MLLT1: variants seen among roughly 807,000 people sequenced by gnomAD.
MLLT1 encodes the protein protein ENL.
MLLT1 carries 11 observed loss-of-function variants against 55.1 expected under a neutral mutation model. The observed-to-expected ratio is 0.20, with a 90% CI of 0.13 to 0.33. MLLT1 has a LOEUF of 0.33. Ranked by LOEUF, MLLT1 falls within the 10% of genes least tolerant of loss-of-function variation. The pLI is 1.00. For synonymous variants in MLLT1, 323 were observed against 320.1 expected, an observed-to-expected ratio of 1.01 and a Z score of -0.10; for missense variants, 536 against 760.6, an observed-to-expected ratio of 0.70 and a Z score of 3.47.
At chr19:6,257,962 G>T (rs1225087771) in intron 3 of MLLT1, among the ~76,000 whole-genome samples, 1 of 152,184 alleles carries the variant, frequency 6.6e-6, no homozygotes, top group Middle Eastern at 3.2e-3. Context: ...CTAGAGGATG[G>T]CTATAATTTT....
At chr19:6,233,255 T>G (rs867520595) in intron 3 of MLLT1, among the ~76,000 whole-genome samples, 2 of 152,200 alleles carry the variant, frequency 1.3e-5, no homozygotes, top group Admixed American at 6.5e-5. Context: ...AGTAACACAG[T>G]TGGCAGCGGC....
chr19:6,229,137 C>T lies in MLLT1; in HGVS notation c.420+1433G>A, dbSNP rs2090982464. ...GCCACCACGGAACCTCCGGGGACGC[C>T]CAAAAACACCTACTGCAAACGTGGT... On this transcript the variant is annotated intron_variant, in intron 4 of 11. Transcript: ENST00000252674. The surrounding 1 kb of genome is among the most constrained non-coding windows in gnomAD (Gnocchi z 5.2). Among the ~76,000 whole-genome samples, 1 of 152,034 alleles carries T rather than the reference C, an allele frequency of 6.6e-6. No homozygotes were observed. Among genetic ancestry groups the T allele is most frequent in the African/African-American group, 2.4e-5 (1 of 41,382 alleles).
Position 6,217,997 on chromosome 19 carries a change from G to A in MLLT1, c.1155C>T (p.Ser385=). 1.2e-6 allele frequency: 2 copies of A among 1,608,446 alleles called. No homozygotes were observed. The highest frequency in any genetic ancestry group is 8.5e-7 in the Non-Finnish European group (1 of 1,177,372). ...ATGGCTCGAAGTCTGAGTCTGAGCT[G>A]GAGTCTGAGCTGGAGCTGGAGTTGG... is the stretch of plus-strand genomic sequence containing the variant. The part of the protein sequence containing the change: ...SPSNSSSSSD[S]SSDSDFEPSQ... Residue 385 remains serine (S), a synonymous_variant, in exon 7 of 12, where the codon TCC becomes TCT. Coordinates refer to ENST00000252674, the MANE Select transcript of MLLT1 (RefSeq NM_005934.4).
rs761845242 is a variant in MLLT1 at position 6,213,012 on chromosome 19, G to A, written c.*30C>T. 63 of 1,609,970 alleles carry A rather than the reference G, an allele frequency of 3.9e-5. No individual in the cohort carries two copies. The highest frequency in any genetic ancestry group is 5.5e-5 in the South Asian group (5 of 90,812). The stretch of plus-strand genomic sequence containing the variant: ...CCTGGCTGCAGCCTCCCAGGACCCC[G>A]GCGGTGGGGGCCCGGCACGCGGCCC... On this transcript the variant is annotated 3_prime_UTR_variant, in exon 12 of 12. Coordinates refer to ENST00000252674, the MANE Select transcript of MLLT1 (RefSeq NM_005934.4).
At position 6,213,973 on chromosome 19, in the gene MLLT1, G is replaced by A; in HGVS notation, c.1373C>T (p.Pro458Leu). The A allele has an allele frequency of 1.4e-6, 2 of 1,462,126 alleles. No individual in the cohort carries two copies. The highest frequency in any genetic ancestry group is 1.8e-6 in the Non-Finnish European group (2 of 1,108,076). The allele number at this position is 1,462,126 out of a possible 1,614,324, so 90.6% of individuals were successfully genotyped here. Residue 458 changes from proline (P) to leucine (L), a missense_variant, in exon 9 of 12, where the codon CCA (proline) becomes CTA (leucine). Around this residue, in one of 3 missense-constraint regions of MLLT1, gnomAD observed 449 missense variants for 489.0 expected, o/e 0.92. Transcript: ENST00000252674. ...ADSSLPSREP[P>L]PPQKPPPPNS... Reference sequence around the variant, plus strand: ...GGGCGGGGGTGGCTTCTGGGGGGGTGGGGGCTCACGGCTGGGCAGGGAGGA... The same window carrying A: ...GGGCGGGGGTGGCTTCTGGGGGGGTAGGGGCTCACGGCTGGGCAGGGAGGA...
At chr19:6,265,381 T>C (rs2091341014) in intron 2 of MLLT1, among the ~76,000 whole-genome samples, 3 of 152,078 alleles carry the variant, frequency 2.0e-5, no homozygotes, top group African/African-American at 7.2e-5. Context: ...CTCAAAAAGT[T>C]TTGGATCGGC....
At chr19:6,233,620 CTT>C (rs1213977979) in intron 3 of MLLT1, among the ~76,000 whole-genome samples, 1 of 152,254 alleles carries the variant, frequency 6.6e-6, no homozygotes, top group Non-Finnish European at 1.5e-5. Flanking sequence ...CACCACCTCT[CTT>C]TGTCCTGCCA....
At position 6,213,828 on chromosome 19, in the gene MLLT1, T is replaced by C. The variant is rs760140430; in HGVS notation, c.1408-31A>G. The C allele has an allele frequency of 9.3e-6, 15 of 1,609,400 alleles. No homozygotes were observed. In the East Asian group the frequency reaches 3.1e-4, roughly 34 times the overall value. ...GGGAACCCAGGTCTCTGCTGAGCTGTGGCCCACACCCTCCCCAGCCCCGAA... is the reference window on the plus strand; with the variant it reads ...GGGAACCCAGGTCTCTGCTGAGCTGCGGCCCACACCCTCCCCAGCCCCGAA... On this transcript the variant is annotated intron_variant, in intron 9 of 11. Transcript: ENST00000252674.
intron 8 of MLLT1, among the ~76,000 whole-genome samples, chr19:6,215,879 T>C (rs2090837976): frequency 6.6e-6 from 1 of 152,022 alleles, no homozygotes; most frequent in South Asian, 2.1e-4. Flanking sequence ...ACGCCAAGGG[T>C]CCTGCATATC....
Position 6,211,827 on chromosome 19 carries a change from C to G in MLLT1, c.*1215G>C, listed in dbSNP as rs1279648160. 1 of 1,064,158 alleles carries G rather than the reference C, an allele frequency of 9.4e-7. No individual in the cohort carries two copies. The highest frequency in any genetic ancestry group is 1.1e-6 in the Non-Finnish European group (1 of 878,576). 65.9% of individuals were successfully genotyped at this position (1,064,158 alleles called of 1,614,324 possible). A position where few individuals can be genotyped will look rare whatever the true frequency, so the allele number is the denominator to read the frequency against. ...CCGGGAAGGAGGACCGGCTTGGCCC[C>G]TGGAGAATCTCAGGCATACCAGGAG... On this transcript the variant is annotated 3_prime_UTR_variant, in exon 12 of 12. Transcript: ENST00000252674. This position sits in a 1 kb window ranked among gnomAD's most constrained non-coding sequence, Gnocchi z 4.6.
chr19:6,262,699 G>A lies in MLLT1; in HGVS notation c.194-389C>T, dbSNP rs1317115612. ...CTGGGTGAGGTGTGAAACCCAGCAG[G>A]GAGGGCCACACACTCTACTGTCACC... On this transcript the variant is annotated intron_variant, in intron 2 of 11. Transcript: ENST00000252674. The surrounding 1 kb of genome is among the most constrained non-coding windows in gnomAD (Gnocchi z 4.4). 1.3e-5 allele frequency among the ~76,000 whole-genome samples: 2 copies of A among 152,014 alleles called. No individual in the cohort carries two copies. Among genetic ancestry groups the A allele is most frequent in the Non-Finnish European group, 2.9e-5 (2 of 67,988 alleles).
intron 2 of MLLT1, among the ~76,000 whole-genome samples, chr19:6,266,205 G>A (rs2091348067): frequency 6.7e-6 from 1 of 150,230 alleles, no homozygotes; most frequent in Non-Finnish European, 1.5e-5. Context: ...TCAGCCCAAA[G>A]GTCAAGGCTG....
intron 3 of MLLT1, among the ~76,000 whole-genome samples, chr19:6,233,144 G>A (rs559067132): frequency 3.3e-5 from 5 of 152,332 alleles, no homozygotes; most frequent in African/African-American, 1.2e-4. Flanking sequence ...GCAGAGTGCC[G>A]TCTCTCCCCA....
chr19:6,255,354 G>A (rs900365454), intron 3 of MLLT1, among the ~76,000 whole-genome samples: 4 of 152,144 alleles, frequency 2.6e-5, no homozygotes, highest in East Asian at 1.9e-4. Context: ...TTAGCTGGGC[G>A]TGGTGGCACA....
chr19:6,212,415 C>G lies in MLLT1; in HGVS notation c.*627G>C, dbSNP rs532226699. The G allele has an allele frequency of 3.8e-6, 4 of 1,057,996 alleles. No individual in the cohort carries two copies. The highest frequency in any genetic ancestry group is 3.3e-5 in the African/African-American group (2 of 60,954). The allele number at this position is 1,057,996 out of a possible 1,614,324, so 65.5% of individuals were successfully genotyped here. ...TACAAGCCCCACCGTACGCACCCCCCACCCACCCCACGTGCACTGCTGCCA... is the reference window on the plus strand; with the variant it reads ...TACAAGCCCCACCGTACGCACCCCCGACCCACCCCACGTGCACTGCTGCCA... On this transcript the variant is annotated 3_prime_UTR_variant, in exon 12 of 12. Coordinates refer to ENST00000252674, the MANE Select transcript of MLLT1 (RefSeq NM_005934.4).
rs2144878366 is a variant in MLLT1, at chr19:6,230,768, C to T, written c.277-55G>A. The T allele has an allele frequency of 6.2e-7, 1 of 1,601,342 alleles. No individual in the cohort carries two copies. Among genetic ancestry groups the T allele is most frequent in the South Asian group, 1.1e-5 (1 of 89,968 alleles). ...TCAGAGGGTGGCCGTGGTGCAGGGA[C>T]ACAGCTCCCCATTGGCCCTGGTCCT... On this transcript the variant is annotated intron_variant, in intron 3 of 11. Coordinates refer to ENST00000252674, the MANE Select transcript of MLLT1 (RefSeq NM_005934.4). The surrounding 1 kb of genome is among the most constrained non-coding windows in gnomAD (Gnocchi z 9.0).
At position 6,240,568 on chromosome 19, in the gene MLLT1, A is replaced by G. The variant is rs964119405; in HGVS notation, c.277-9855T>C. ...GCTACTCCTCATCACACGCTGGCCC[A>G]GAGACCCCCGGGATACACCGTTGGG... is the stretch of plus-strand genomic sequence containing the variant. On this transcript the variant is annotated intron_variant, in intron 3 of 11. Coordinates refer to ENST00000252674, the MANE Select transcript of MLLT1 (RefSeq NM_005934.4). The surrounding 1 kb of genome is among the most constrained non-coding windows in gnomAD (Gnocchi z 4.7). Among the ~76,000 whole-genome samples, 2 of 152,216 alleles carry G rather than the reference A, an allele frequency of 1.3e-5. No homozygotes were observed. The highest frequency in any genetic ancestry group is 4.8e-5 in the African/African-American group (2 of 41,458).
At chr19:6,267,151 G>T (rs752068690) in intron 2 of MLLT1, among the ~76,000 whole-genome samples, 18 of 152,048 alleles carry the variant, frequency 1.2e-4, no homozygotes, top group Non-Finnish European at 2.5e-4. Flanking sequence ...GCCCAGGCCG[G>T]AGTGCACTGG....
In MLLT1 at chr19:6,272,667, C is replaced by T. The variant is rs143947009; in HGVS notation, c.13-1908G>A. 9.8e-5 allele frequency among the ~76,000 whole-genome samples: 15 copies of T among 152,362 alleles called. No individual in the cohort carries two copies. In the East Asian group the frequency reaches 2.7e-3, roughly 27 times the overall value. On this transcript the variant is annotated intron_variant, in intron 1 of 11. Coordinates refer to ENST00000252674, the MANE Select transcript of MLLT1 (RefSeq NM_005934.4). The stretch of plus-strand genomic sequence containing the variant: ...GACTACATCTTGTTCGTCCTCTTAG[C>T]CTCTATCTTGAAACCACGGGACAGG...
Sources: gnomAD v4.1 joint callset for allele counts (sites outside exome capture counted in the v4.1 genomes callset) on GRCh38, gnomAD v4.1.1 for gene constraint, gnomAD v4.1.1 regional missense constraint, Gnocchi (gnomAD v3.1) non-coding constraint, MANE v1.5 for transcripts, NCBI Gene and HGNC (gene_info 2026-07-23, HGNC 2026-07-21) for gene names.